DGKB: variants seen among roughly 807,000 people sequenced by gnomAD.
The protein encoded by DGKB is diacylglycerol kinase beta, also known as 90 kDa diacylglycerol kinase.
DGKB carries 67 observed loss-of-function variants against 114.3 expected under a neutral mutation model. The ratio of observed to expected loss-of-function variants is 0.59; its 90% CI spans 0.48 to 0.72. The LOEUF is 0.72. DGKB is among the 30% of genes least tolerant of loss of function. The pLI is 0.00. For missense variants in DGKB, 907 were observed against 975.2 expected (o/e 0.93, Z 0.93); for synonymous variants, 398 against 323.1 (o/e 1.23, Z -2.49).
intron 23 of DGKB, among the ~76,000 whole-genome samples, chr7:14,244,037 CAGAGAGAGAGAGAGAGGGAGAG>C (rs1794053811): frequency 7.1e-6 from 1 of 141,608 alleles, no homozygotes; most frequent in Admixed American, 7.1e-5. Context: ...GAGAGAGAGA[CAGAGAGAGAGAGAGAGGGAGAG>C]AGAGAGAGAT....
chr7:14,543,705 A>G (rs1033253524), intron 20 of DGKB, among the ~76,000 whole-genome samples: 3 of 152,198 alleles, frequency 2.0e-5, no homozygotes, highest in African/African-American at 4.8e-5. Context: ...TTACTCTCAC[A>G]CATAGAAACT....
At chr7:14,478,025 T>TACACACAAAC (rs1554461138) in intron 21 of DGKB, 136 bp downstream of exon 21, 4 of 404,780 alleles carry the variant, frequency 9.9e-6, no homozygotes, top group African/African-American at 2.1e-5. Context: ...TCTTAATATT[T>TACACACAAAC]ACACACACAC....
chr7:14,520,967 G>A (rs1024269417), intron 20 of DGKB, among the ~76,000 whole-genome samples: 1 of 151,964 alleles, frequency 6.6e-6, no homozygotes, highest in Admixed American at 6.6e-5. Context: ...TAATATTGCT[G>A]AACATACTAT....
At chr7:14,876,159 T>C (rs1853250791) in intron 1 of DGKB, among the ~76,000 whole-genome samples, 1 of 152,140 alleles carries the variant, frequency 6.6e-6, no homozygotes, top group Non-Finnish European at 1.5e-5. Context: ...CCATGTCTGT[T>C]TACCATTGCC....
At chr7:14,260,918 A>G (rs1435192169) in intron 23 of DGKB, among the ~76,000 whole-genome samples, 1 of 152,216 alleles carries the variant, frequency 6.6e-6, no homozygotes, top group Non-Finnish European at 1.5e-5. Flanking sequence ...ATGATTGGTT[A>G]TACATTTAAC....
intron 23 of DGKB, among the ~76,000 whole-genome samples, chr7:14,231,090 T>TCTCTC (rs1185896146): frequency 8.0e-4 from 47 of 59,106 alleles, no homozygotes; most frequent in Non-Finnish European, 3.4e-5. Flanking sequence ...TCCCTTTCTT[T>TCTCTC]CTTTCTTTCT....
chr7:14,557,634 G>A (rs1416364305), intron 20 of DGKB, among the ~76,000 whole-genome samples: 2 of 150,946 alleles, frequency 1.3e-5, no homozygotes, highest in African/African-American at 4.9e-5. Context: ...ATACAGTTTT[G>A]CCCATATGCA....
intron 21 of DGKB, among the ~76,000 whole-genome samples, chr7:14,441,024 T>C (rs1008280854): frequency 8.5e-5 from 13 of 152,064 alleles, no homozygotes; most frequent in African/African-American, 2.9e-4. Context: ...TTTAGAATTC[T>C]TTTTTTTCTT....
At chr7:14,345,200 G>T (rs1234999965) in intron 22 of DGKB, 101 bp downstream of exon 22, 5 of 651,060 alleles carry the variant, frequency 7.7e-6, no homozygotes, top group Non-Finnish European at 1.0e-5. Flanking sequence ...TCTGTGGATT[G>T]CTAATATATA....
At chr7:14,878,171 C>G (rs534062624) in intron 1 of DGKB, among the ~76,000 whole-genome samples, 90 of 152,014 alleles carry the variant, frequency 5.9e-4, no homozygotes, top group African/African-American at 2.1e-3. Flanking sequence ...ATCTATAAAC[C>G]AAGTTGGCAA....
At chr7:14,446,050 T>C (rs1041827441) in intron 21 of DGKB, among the ~76,000 whole-genome samples, 2 of 152,154 alleles carry the variant, frequency 1.3e-5, no homozygotes, top group African/African-American at 4.8e-5. Context: ...ATTGAATATC[T>C]AGTTCCCCTT....
chr7:14,854,523 C>A (rs1301512138), intron 1 of DGKB, among the ~76,000 whole-genome samples: 1 of 152,124 alleles, frequency 6.6e-6, no homozygotes, highest in Non-Finnish European at 1.5e-5. Flanking sequence ...GCATTAGATT[C>A]TCATAAGGAG....
intron 1 of DGKB, among the ~76,000 whole-genome samples, chr7:14,957,935 A>G (rs572141316): frequency 3.3e-5 from 5 of 152,094 alleles, no homozygotes; most frequent in Non-Finnish European, 7.4e-5. Context: ...TTTTAAAAGT[A>G]TTTCTTTAAA....
chr7:14,715,285 C>A (rs139838586), intron 6 of DGKB, among the ~76,000 whole-genome samples: 1 of 152,188 alleles, frequency 6.6e-6, no homozygotes, highest in East Asian at 1.9e-4. Context: ...AATAGCAGTT[C>A]TCGACAGTTA....
chr7:14,749,558 A>T (rs2128429206), intron 4 of DGKB, among the ~76,000 whole-genome samples: 1 of 152,310 alleles, frequency 6.6e-6, no homozygotes, highest in East Asian at 1.9e-4. Flanking sequence ...GATTCGAAAA[A>T]GTTTAAGCAG....
intron 17 of DGKB, among the ~76,000 whole-genome samples, chr7:14,593,919 C>G (rs955001233): frequency 6.6e-6 from 1 of 151,976 alleles, no homozygotes; most frequent in African/African-American, 2.4e-5. Flanking sequence ...TCGGTTTTGA[C>G]CCTGTAAGAA....
At chr7:14,733,778 G>GA (rs766452135) in intron 5 of DGKB, among the ~76,000 whole-genome samples, 2,362 of 145,014 alleles carry the variant, frequency 0.016, 65 homozygotes, top group Admixed American at 0.059. Flanking sequence ...AGAAAGAAAG[G>GA]AAGAAAGAAA....
intron 2 of DGKB, among the ~76,000 whole-genome samples, chr7:14,779,398 C>T (rs1217601900): frequency 2.0e-5 from 3 of 151,070 alleles, no homozygotes; most frequent in African/African-American, 7.3e-5. Context: ...TTAGCTGGGT[C>T]TGGTGGCACA....
At chr7:14,266,425 T>C (rs1290805835) in intron 23 of DGKB, among the ~76,000 whole-genome samples, 2 of 152,152 alleles carry the variant, frequency 1.3e-5, no homozygotes, top group Admixed American at 1.3e-4. Context: ...AAATAAAATA[T>C]ATGTGGCTTA....
Sources: allele counts gnomAD v4.1 joint callset (sites outside exome capture counted in the v4.1 genomes callset), GRCh38; gene constraint gnomAD v4.1.1; transcripts MANE v1.5; gene names NCBI Gene and HGNC (gene_info 2026-07-23, HGNC 2026-07-21).